The following CAMK2D variants were observed in gnomAD, a reference collection of about 807,000 sequenced individuals.
CAMK2D encodes calcium/calmodulin dependent protein kinase II delta.
In CAMK2D, 37 loss-of-function variants were observed where a neutral mutation model predicts 84.0. The ratio of observed to expected loss-of-function variants is 0.44; its 90% confidence interval spans 0.34 to 0.58. CAMK2D has a LOEUF of 0.58. Ranked by LOEUF, CAMK2D falls within the 20% of genes least tolerant of loss-of-function variation. CAMK2D has a pLI of 0.02. For missense variants in CAMK2D, 448 were observed against 652.5 expected (o/e 0.69, Z 3.41); for synonymous variants, 202 against 212.5 (o/e 0.95, Z 0.43).
chr4:113,646,931 A>G (rs1241777521), intron 3 of CAMK2D, among the ~76,000 whole-genome samples: 2 of 152,248 alleles, frequency 1.3e-5, no homozygotes, highest in African/African-American at 4.8e-5. Flanking sequence ...AAATAACTGC[A>G]TCATAAACCT....
intron 3 of CAMK2D, among the ~76,000 whole-genome samples, chr4:113,625,530 A>C (rs576984255): frequency 4.6e-5 from 7 of 152,252 alleles, no homozygotes; most frequent in African/African-American, 1.7e-4. Flanking sequence ...GCCTCAGGGA[A>C]GACCATATGG....
intron 2 of CAMK2D, among the ~76,000 whole-genome samples, chr4:113,708,833 T>C (rs2099473960): frequency 6.6e-6 from 1 of 152,130 alleles, no homozygotes; most frequent in African/African-American, 2.4e-5. Flanking sequence ...CAAGCAATTC[T>C]CCCACCTCAG....
At chr4:113,576,716 A>AT (rs952388716) in intron 4 of CAMK2D, among the ~76,000 whole-genome samples, 2 of 152,072 alleles carry the variant, frequency 1.3e-5, no homozygotes, top group South Asian at 2.1e-4. Context: ...ATCACTTTAA[A>AT]TTTTTTTTAA....
chr4:113,520,601 T>G (rs964265447), intron 8 of CAMK2D, among the ~76,000 whole-genome samples: 6 of 151,834 alleles, frequency 4.0e-5, no homozygotes, highest in Admixed American at 1.3e-4. Context: ...ACTAAAATCA[T>G]TAAAAGTCAA....
intron 2 of CAMK2D, 180 bp downstream of exon 2, chr4:113,759,140 C>T (rs1365256534): frequency 5.4e-6 from 2 of 369,396 alleles, no homozygotes; most frequent in African/African-American, 2.1e-5. Context: ...TTATATCTTT[C>T]CATGTATTTT....
chr4:113,478,791 C>G (rs72903998), intron 16 of CAMK2D, among the ~76,000 whole-genome samples: 1 of 152,104 alleles, frequency 6.6e-6, no homozygotes, highest in Non-Finnish European at 1.5e-5. Flanking sequence ...AAAATACTCA[C>G]GGCCCCAAAA....
At chr4:113,661,448 A>G (rs1364516468) in intron 3 of CAMK2D, among the ~76,000 whole-genome samples, 1 of 152,162 alleles carries the variant, frequency 6.6e-6, no homozygotes, top group Admixed American at 6.5e-5. Flanking sequence ...CTTTCAGCAC[A>G]ACAGAAAACA....
intron 17 of CAMK2D, among the ~76,000 whole-genome samples, chr4:113,464,288 C>A (rs1453083608): frequency 6.6e-6 from 1 of 152,188 alleles, no homozygotes; most frequent in African/African-American, 2.4e-5. Flanking sequence ...TGATAATAGT[C>A]AGTTCATGTT....
At chr4:113,717,405 C>A (rs1210396410) in intron 2 of CAMK2D, among the ~76,000 whole-genome samples, 3 of 151,854 alleles carry the variant, frequency 2.0e-5, no homozygotes, top group Non-Finnish European at 4.4e-5. Flanking sequence ...TTTACAGGAA[C>A]CTTTTGGATA....
At chr4:113,503,344 G>C (rs773897749) in intron 14 of CAMK2D, 2 of 523,676 alleles carry the variant, frequency 3.8e-6, no homozygotes, top group East Asian at 1.0e-4. Flanking sequence ...AACTGGCCAA[G>C]GACACTGGAG....
rs926421140 is a variant in CAMK2D, at chr4:113,451,935, CTATT to C, written c.*2606_*2609del. ...TCGGGAAAAGAAGTAGGGGAAGAGA[CTATT>C]TATTCTAGGTAAGAAACATAAACAA... On this transcript the variant is annotated 3_prime_UTR_variant, in exon 21 of 21. Coordinates refer to ENST00000511664, the MANE Select transcript of CAMK2D (RefSeq NM_001321571.2). 3 of 152,060 alleles carry C rather than the reference CTATT, an allele frequency of 2.0e-5. No individual in the cohort carries two copies. The highest frequency in any genetic ancestry group is 1.9e-4 in the East Asian group (1 of 5,186). 9.4% of individuals were successfully genotyped at this position (152,060 alleles called of 1,614,324 possible).
intron 13 of CAMK2D, 95 bp downstream of exon 13, chr4:113,509,543 T>C: frequency 2.5e-6 from 2 of 786,382 alleles, no homozygotes; most frequent in Non-Finnish European, 4.3e-6. Context: ...CAATAAAAAA[T>C]AGAACTTGCA....
intron 2 of CAMK2D, chr4:113,679,336 G>A (rs938833897): frequency 3.6e-5 from 10 of 281,656 alleles, no homozygotes; most frequent in Non-Finnish European, 2.1e-5. Flanking sequence ...ACTAATACAC[G>A]TATGTCAAAA....
At chr4:113,581,513 T>TAAAAAAAAAAAAAAAAAAAAA (rs777730996) in intron 4 of CAMK2D, among the ~76,000 whole-genome samples, 2 of 34,322 alleles carry the variant, frequency 5.8e-5, no homozygotes, top group Non-Finnish European at 9.3e-5. Context: ...AACTTTCTCA[T>TAAAAAAAAAAAAAAAAAAAAA]AAAAAAAAAA....
At chr4:113,635,738 G>A (rs533476821) in intron 3 of CAMK2D, among the ~76,000 whole-genome samples, 3 of 152,302 alleles carry the variant, frequency 2.0e-5, no homozygotes, top group Admixed American at 6.5e-5. Flanking sequence ...ATGCTTTCTA[G>A]TTGGTGCCTT....
chr4:113,645,079 C>T (rs1451280823), intron 3 of CAMK2D, among the ~76,000 whole-genome samples: 2 of 152,132 alleles, frequency 1.3e-5, no homozygotes, highest in African/African-American at 4.8e-5. Flanking sequence ...TGAAGCGGCA[C>T]AATCTCGGCT....
In CAMK2D at chr4:113,515,250, A is replaced by T. The variant is rs2098269917; in HGVS notation, c.697-59T>A. On this transcript the variant is annotated intron_variant, in intron 9 of 20. Transcript: ENST00000511664. ...AATAGACACACTCGATCAAACAGGG[A>T]AGAGTCAACTACATGAATCATTCCC... 2.6e-6 allele frequency: 3 copies of T among 1,165,874 alleles called. No homozygotes were observed. The South Asian group carries it at 4.4e-5, about 17-fold the overall frequency. 72.2% of individuals were successfully genotyped at this position (1,165,874 alleles called of 1,614,324 possible). A position where few individuals can be genotyped will look rare whatever the true frequency, so the allele number is the denominator to read the frequency against.
At chr4:113,500,545 G>T in intron 15 of CAMK2D, 34 bp from the exon 16 acceptor site, 1 of 1,433,946 alleles carries the variant, frequency 7.0e-7, no homozygotes, top group South Asian at 1.2e-5. Context: ...TAGGTTGCAC[G>T]CAATGAATAG....
rs569988164 is a variant in CAMK2D, at chr4:113,742,093, A to T, written c.160+17227T>A. On this transcript the variant is annotated intron_variant, in intron 2 of 20. Coordinates refer to ENST00000511664, the MANE Select transcript of CAMK2D (RefSeq NM_001321571.2). ...CATGTCTCTCATCTTAACTCTCTTC[A>T]CCAACCTACCCCCTGAATCAAGAAC... is the stretch of plus-strand genomic sequence containing the variant. Among the ~76,000 whole-genome samples the T allele has an allele frequency of 9.2e-5, 14 of 152,200 alleles. No homozygotes were observed. The East Asian group carries it at 2.1e-3, about 23-fold the overall frequency.
Sources: gnomAD v4.1 joint callset for allele counts (sites outside exome capture counted in the v4.1 genomes callset) on GRCh38, gnomAD v4.1.1 for gene constraint, MANE v1.5 for transcripts, NCBI Gene and HGNC (gene_info 2026-07-23, HGNC 2026-07-21) for gene names.